Variants in DPH6 observed in about 807,000 individuals in gnomAD.
DPH6 encodes diphthamine biosynthesis 6, also known as diphthine--ammonia ligase.
Under a neutral mutation model 38.2 loss-of-function variants are expected in DPH6, and 33 were observed. The observed-to-expected ratio is 0.86, with a 90% CI of 0.65 to 1.15. The LOEUF (loss-of-function observed/expected upper bound fraction) is 1.15. DPH6 is among the 50% of genes most tolerant of loss of function. The probability of loss-of-function intolerance (pLI) is 0.00; values close to 1 mark genes in which losing one functional copy is unlikely to be tolerated. For synonymous variants in DPH6, 108 were observed against 103.0 expected, an observed-to-expected ratio of 1.05 and a Z score of -0.30; for missense variants, 325 against 320.0, an observed-to-expected ratio of 1.02 and a Z score of -0.12.
intron 3 of DPH6, among the ~76,000 whole-genome samples, chr15:35,461,318 C>T (rs1451855484): frequency 6.6e-6 from 1 of 152,216 alleles, no homozygotes; most frequent in Non-Finnish European, 1.5e-5. Flanking sequence ...TGTGATCCTC[C>T]TGCCTTGGCC....
intron 3 of DPH6, among the ~76,000 whole-genome samples, chr15:35,337,812 T>C (rs948719768): frequency 8.5e-5 from 13 of 152,104 alleles, no homozygotes; most frequent in African/African-American, 2.9e-4. Flanking sequence ...CAAAACAGCA[T>C]GCTACTGGTA....
the DPH6 span, among the ~76,000 whole-genome samples, chr15:35,212,136 A>C: frequency 2.0e-5 from 3 of 152,222 alleles, no homozygotes; most frequent in Non-Finnish European, 4.4e-5. Context: ...CCCACTGGTC[A>C]TATGAAGGGT....
chr15:35,193,625 A>G, the DPH6 span, among the ~76,000 whole-genome samples: 2 of 152,174 alleles, frequency 1.3e-5, no homozygotes, highest in Non-Finnish European at 2.9e-5. Flanking sequence ...TTATATATGT[A>G]TTTCTCAGAT....
chr15:35,450,277 C>T (rs921031766), intron 5 of DPH6, among the ~76,000 whole-genome samples: 2 of 151,756 alleles, frequency 1.3e-5, no homozygotes, highest in Admixed American at 1.3e-4. Flanking sequence ...CTAAAAAATA[C>T]AAGGAAAATG....
intron 2 of DPH6, among the ~76,000 whole-genome samples, chr15:35,540,461 A>G (rs2055236038): frequency 6.6e-6 from 1 of 152,078 alleles, no homozygotes; most frequent in Non-Finnish European, 1.5e-5. Flanking sequence ...CATAACACTC[A>G]TAGGAAAATA....
intron 3 of DPH6, among the ~76,000 whole-genome samples, chr15:35,241,227 C>T (rs1227544931): frequency 3.5e-5 from 5 of 143,740 alleles, no homozygotes; most frequent in African/African-American, 7.6e-5. Context: ...CAGATCTTCT[C>T]GGCTTAGCAG....
At chr15:35,274,219 G>C (rs547312240) in intron 3 of DPH6, among the ~76,000 whole-genome samples, 21 of 152,264 alleles carry the variant, frequency 1.4e-4, no homozygotes, top group African/African-American at 4.6e-4. Flanking sequence ...ACAGAAACTG[G>C]ACCCCTTCCT....
chr15:35,226,242 G>A (rs1013936348), intron 3 of DPH6, among the ~76,000 whole-genome samples: 1 of 152,194 alleles, frequency 6.6e-6, no homozygotes, highest in Non-Finnish European at 1.5e-5. Context: ...AGGCATATTA[G>A]TGTAGTATGG....
chr15:35,456,377 G>T (rs1221009664), intron 3 of DPH6, among the ~76,000 whole-genome samples: 1 of 150,824 alleles, frequency 6.6e-6, no homozygotes, highest in East Asian at 1.9e-4. Flanking sequence ...TAGATGTATA[G>T]GAGTGTGTGT....
At chr15:35,345,138 A>T (rs2052451370) in intron 3 of DPH6, among the ~76,000 whole-genome samples, 1 of 151,870 alleles carries the variant, frequency 6.6e-6, no homozygotes, top group East Asian at 1.9e-4. Context: ...ATATGCCCAA[A>T]GTCACTTGAC....
chr15:35,381,471 G>A (rs2052864036), intron 7 of DPH6, among the ~76,000 whole-genome samples: 1 of 152,164 alleles, frequency 6.6e-6, no homozygotes, highest in Non-Finnish European at 1.5e-5. Flanking sequence ...CTACTGATGT[G>A]GCAGTTTATC....
At chr15:35,426,879 A>C (rs1369712912) in intron 5 of DPH6, among the ~76,000 whole-genome samples, 1 of 151,440 alleles carries the variant, frequency 6.6e-6, no homozygotes, top group Non-Finnish European at 1.5e-5. Flanking sequence ...AAAAAAAAAA[A>C]CAACCTTGAA....
At chr15:35,191,233 G>A in the DPH6 span, among the ~76,000 whole-genome samples, 5,178 of 152,204 alleles carry the variant, frequency 0.034, 127 homozygotes, top group Non-Finnish European at 0.052. Context: ...ATACTTCGAG[G>A]TATATCCCTC....
chr15:35,480,023 G>C (rs2054308412), intron 3 of DPH6, among the ~76,000 whole-genome samples: 2 of 151,240 alleles, frequency 1.3e-5, no homozygotes, highest in Non-Finnish European at 3.0e-5. Flanking sequence ...ATCTTTCTGA[G>C]TAGTGAAAAC....
chr15:35,357,746 A>T (rs1793689225), intron 3 of DPH6, among the ~76,000 whole-genome samples: 1 of 152,216 alleles, frequency 6.6e-6, no homozygotes, highest in African/African-American at 2.4e-5. Context: ...CTGCTGAGAA[A>T]TCTGCTGTTA....
chr15:35,504,694 A>T lies in DPH6; in HGVS notation c.312+33580T>A, dbSNP rs188518789. ...CAAAATCAATATGCCCTGGAAATGGAAAGATAAATTAATGCATCACAGGAG... is the reference window on the plus strand; with the variant it reads ...CAAAATCAATATGCCCTGGAAATGGTAAGATAAATTAATGCATCACAGGAG... On this transcript the variant is annotated intron_variant, in intron 3 of 8. Coordinates refer to ENST00000256538, the MANE Select transcript of DPH6 (RefSeq NM_080650.4). Among the ~76,000 whole-genome samples, 12 of 152,194 alleles carry T rather than the reference A, an allele frequency of 7.9e-5. No individual in the cohort carries two copies. In the East Asian group the frequency reaches 2.3e-3, roughly 29 times the overall value.
At chr15:35,263,666 T>C (rs1025525131) in intron 3 of DPH6, among the ~76,000 whole-genome samples, 2 of 151,970 alleles carry the variant, frequency 1.3e-5, no homozygotes, top group East Asian at 1.9e-4. Flanking sequence ...GCCTCCCAAA[T>C]TGTTGGGATT....
chr15:35,392,707 A>G (rs1242364661), intron 6 of DPH6, among the ~76,000 whole-genome samples: 1 of 152,222 alleles, frequency 6.6e-6, no homozygotes. Context: ...TTATTTTGGC[A>G]GATGCATGAA....
chr15:35,255,579 T>A (rs1171503069), intron 3 of DPH6, among the ~76,000 whole-genome samples: 1 of 152,196 alleles, frequency 6.6e-6, no homozygotes, highest in Non-Finnish European at 1.5e-5. Flanking sequence ...TTTTCTTTGA[T>A]CATTAGCTAG....
Sources: gnomAD v4.1 joint callset for allele counts (sites outside exome capture counted in the v4.1 genomes callset) on GRCh38, gnomAD v4.1.1 for gene constraint, MANE v1.5 for transcripts, NCBI Gene and HGNC (gene_info 2026-07-23, HGNC 2026-07-21) for gene names.